The following GABRA1 variants were observed in gnomAD, a reference collection of about 807,000 sequenced individuals.
GABRA1 encodes gamma-aminobutyric acid type A receptor subunit alpha1.
In GABRA1, 9 loss-of-function variants were observed where a neutral mutation model predicts 48.9. The ratio of observed to expected loss-of-function variants is 0.18; its 90% CI spans 0.11 to 0.32. GABRA1 has a LOEUF of 0.32. Among genes scored for constraint, GABRA1 ranks in the 10% least tolerant of loss-of-function variants. The pLI, the probability that GABRA1 is intolerant of heterozygous loss-of-function variation, is 1.00. For missense variants in GABRA1, 285 were observed against 553.8 expected, an observed-to-expected ratio of 0.51 and a Z score of 4.87; for synonymous variants, 210 against 198.7, an observed-to-expected ratio of 1.06 and a Z score of -0.48.
chr5:161,882,772 C>A, intron 7 of GABRA1, 71 bp downstream of exon 7: 1 of 1,397,108 alleles, frequency 7.2e-7, no homozygotes, highest in South Asian at 1.2e-5. Flanking sequence ...CTCAATGAAT[C>A]ATTCAGTAAC....
intron 6 of GABRA1, among the ~76,000 whole-genome samples, chr5:161,881,391 T>C (rs1754607330): frequency 6.6e-6 from 1 of 152,174 alleles, no homozygotes; most frequent in South Asian, 2.1e-4. Flanking sequence ...TCTCTCACTC[T>C]ATGCAATCTC....
intron 6 of GABRA1, 45 bp from the exon 7 acceptor site, chr5:161,882,513 T>C: frequency 6.4e-7 from 1 of 1,568,698 alleles, no homozygotes; most frequent in Non-Finnish European, 8.8e-7. Context: ...ATAAGAGAAT[T>C]GAAGTGGTAA....
intron 1 of GABRA1, among the ~76,000 whole-genome samples, chr5:161,849,313 G>A (rs1232751078): frequency 1.3e-5 from 2 of 152,148 alleles, no homozygotes; most frequent in Non-Finnish European, 2.9e-5. Context: ...GCTAAGAAAA[G>A]TTGTTTTTCC....
At chr5:161,890,841 A>G in intron 7 of GABRA1, 57 bp from the exon 8 acceptor site, 1 of 1,509,858 alleles carries the variant, frequency 6.6e-7, no homozygotes, top group Non-Finnish European at 9.2e-7. Flanking sequence ...TAAACCTCAG[A>G]GATTACCTTT....
intron 7 of GABRA1, among the ~76,000 whole-genome samples, chr5:161,884,839 AC>A (rs1561581293): frequency 1.3e-5 from 2 of 152,158 alleles, no homozygotes; most frequent in African/African-American, 4.8e-5. Context: ...TGTTACTATA[AC>A]CCTCTTATGC....
chr5:161,866,777 T>A (rs1268153378), intron 4 of GABRA1, among the ~76,000 whole-genome samples: 1 of 152,140 alleles, frequency 6.6e-6, no homozygotes, highest in East Asian at 1.9e-4. Context: ...TTCTGTGAAG[T>A]GAACGTTGGG....
At chr5:161,864,385 G>C (rs892646319) in intron 3 of GABRA1, among the ~76,000 whole-genome samples, 1 of 151,958 alleles carries the variant, frequency 6.6e-6, no homozygotes, top group Non-Finnish European at 1.5e-5. Flanking sequence ...GAATATCTCT[G>C]ATTCAAAATT....
intron 6 of GABRA1, among the ~76,000 whole-genome samples, chr5:161,878,623 T>C (rs1754471101): frequency 6.6e-6 from 1 of 152,202 alleles, no homozygotes. Flanking sequence ...TAGATTCTGA[T>C]TGTTAAGGCT....
upstream of GABRA1, chr5:161,847,266 C>T (rs1015208572): frequency 6.6e-6 from 1 of 152,118 alleles, no homozygotes; most frequent in Non-Finnish European, 1.5e-5. Flanking sequence ...CCTCCTCTCC[C>T]TCTCCCATTT....
At chr5:161,881,573 T>G (rs779779359) in intron 6 of GABRA1, among the ~76,000 whole-genome samples, 1 of 151,706 alleles carries the variant, frequency 6.6e-6, no homozygotes, top group Non-Finnish European at 1.5e-5. Context: ...AAGAGGAGAG[T>G]AAACTCAGAC....
chr5:161,875,730 G>T, intron 6 of GABRA1, 88 bp downstream of exon 6: 1 of 969,692 alleles, frequency 1.0e-6, no homozygotes, highest in Non-Finnish European at 1.7e-6. Flanking sequence ...GCGTAGATAA[G>T]GGAATCAAGA....
intron 7 of GABRA1, among the ~76,000 whole-genome samples, chr5:161,890,132 T>C (rs2113443562): frequency 6.6e-6 from 1 of 152,126 alleles, no homozygotes; most frequent in Admixed American, 6.5e-5. Context: ...TACCTCTAAC[T>C]GAAGTCAGAA....
intron 8 of GABRA1, among the ~76,000 whole-genome samples, 194 bp downstream of exon 8, chr5:161,891,244 G>T (rs192754420): frequency 6.6e-6 from 1 of 152,234 alleles, no homozygotes; most frequent in East Asian, 1.9e-4. Context: ...AGCTGTTTTA[G>T]TATTTGTGAA....
intron 3 of GABRA1, among the ~76,000 whole-genome samples, chr5:161,859,931 A>G (rs1310493739): frequency 2.0e-5 from 3 of 151,612 alleles, no homozygotes; most frequent in Non-Finnish European, 4.4e-5. Context: ...ATGTTTTGAA[A>G]TTCTACTCTG....
intron 5 of GABRA1, among the ~76,000 whole-genome samples, chr5:161,875,113 G>A (rs1324668582): frequency 5.3e-5 from 8 of 152,250 alleles, no homozygotes. Flanking sequence ...TGCATTTGGT[G>A]CTATTTTAGA....
At chr5:161,875,473 T>C in intron 5 of GABRA1, 87 bp from the exon 6 acceptor site, 1 of 1,031,018 alleles carries the variant, frequency 9.7e-7, no homozygotes. Context: ...GTTAATATAT[T>C]TGCTACAGTT....
intron 8 of GABRA1, 55 bp downstream of exon 8, chr5:161,891,105 C>CACAG: frequency 2.0e-6 from 3 of 1,498,732 alleles, no homozygotes; most frequent in Non-Finnish European, 2.8e-6. Flanking sequence ...CAAGTTATGT[C>CACAG]ATATCTGTGA....
Position 161,850,824 on chromosome 5 carries a change from C to T in GABRA1, c.14C>T (p.Pro5Leu). 1 of 1,614,080 alleles carries T rather than the reference C, an allele frequency of 6.2e-7. No homozygotes were observed. The highest frequency in any genetic ancestry group is 8.5e-7 in the Non-Finnish European group (1 of 1,179,958). Residue 5 changes from proline (P) to leucine (L), a missense_variant, in exon 2 of 10, where the codon CCA becomes CTA. Coordinates refer to ENST00000393943, the MANE Select transcript of GABRA1 (RefSeq NM_001127644.2). ...CTCCAGCCCGCGATGAGGAAAAGTC[C>T]AGGTCTGTCTGACTGTCTTTGGGCC... MRKS[P>L]GLSDCLWAWI...
intron 6 of GABRA1, among the ~76,000 whole-genome samples, chr5:161,877,756 G>A (rs1386586030): frequency 2.0e-5 from 3 of 152,162 alleles, no homozygotes; most frequent in Admixed American, 2.0e-4. Flanking sequence ...GTAGAAAACA[G>A]TGTCTCATAT....
Sources: allele counts gnomAD v4.1 joint callset (sites outside exome capture counted in the v4.1 genomes callset), GRCh38; gene constraint gnomAD v4.1.1; transcripts MANE v1.5; gene names NCBI Gene and HGNC (gene_info 2026-07-23, HGNC 2026-07-21).